GRIP1: variants seen among roughly 807,000 people sequenced by gnomAD.
The protein encoded by GRIP1 is glutamate receptor-interacting protein 1.
In GRIP1, 45 loss-of-function variants were observed where a neutral mutation model predicts 129.9. That is an observed-to-expected ratio of 0.35 (90% confidence interval 0.27 to 0.44). The LOEUF (loss-of-function observed/expected upper bound fraction) is 0.44. Among genes scored for constraint, GRIP1 ranks in the 20% least tolerant of loss-of-function variants. The pLI is 1.00. For missense variants in GRIP1, 1,196 were observed against 1,396.8 expected, an observed-to-expected ratio of 0.86 and a Z score of 2.29; for synonymous variants, 530 against 520.8, an observed-to-expected ratio of 1.02 and a Z score of -0.24.
intron 7 of GRIP1, among the ~76,000 whole-genome samples, chr12:66,509,775 C>A (rs1372934561): frequency 6.6e-6 from 1 of 151,986 alleles, no homozygotes; most frequent in East Asian, 1.9e-4. Flanking sequence ...TGGAGGGGAA[C>A]AACACACACT....
intron 1 of GRIP1, among the ~76,000 whole-genome samples, chr12:67,036,523 G>A (rs1407316721): frequency 6.6e-6 from 1 of 151,774 alleles, no homozygotes; most frequent in Non-Finnish European, 1.5e-5. Context: ...TAGAGACAGG[G>A]TTTCATCATG....
At chr12:66,980,913 G>T (rs1056307561) in intron 1 of GRIP1, among the ~76,000 whole-genome samples, 2 of 152,092 alleles carry the variant, frequency 1.3e-5, no homozygotes, top group Non-Finnish European at 2.9e-5. Context: ...CTCCATTTCC[G>T]TGTTTTGAGC....
intron 15 of GRIP1, among the ~76,000 whole-genome samples, chr12:66,416,737 A>G (rs2057618586): frequency 6.6e-6 from 1 of 152,162 alleles, no homozygotes; most frequent in African/African-American, 2.4e-5. Flanking sequence ...ACAGACCAAT[A>G]ATAAGTAACA....
At chr12:67,063,442 T>C (rs11176557) in intron 1 of GRIP1, among the ~76,000 whole-genome samples, 4,589 of 152,286 alleles carry the variant, frequency 0.03, 180 homozygotes, top group East Asian at 0.13. Flanking sequence ...AGTAGGCTTC[T>C]TGAATAAGAA....
At chr12:66,420,864 A>G in intron 14 of GRIP1, 75 bp from the exon 15 acceptor site, 1 of 859,526 alleles carries the variant, frequency 1.2e-6, no homozygotes, top group South Asian at 1.4e-5. Context: ...CCCCTGTTTT[A>G]TAATAACTTA....
At chr12:67,063,991 C>CTTGCCTTCA (rs2135898091) in intron 1 of GRIP1, among the ~76,000 whole-genome samples, 1 of 152,208 alleles carries the variant, frequency 6.6e-6, no homozygotes, top group Non-Finnish European at 1.5e-5. Context: ...CTTGTTAATG[C>CTTGCCTTCA]TTGCCTTCAT....
At chr12:66,530,885 A>G (rs1018629411) in intron 4 of GRIP1, among the ~76,000 whole-genome samples, 2 of 151,876 alleles carry the variant, frequency 1.3e-5, no homozygotes, top group African/African-American at 4.8e-5. Context: ...CAAGTAACAC[A>G]TTTTTTTACA....
At chr12:66,716,964 G>T (rs1320937336) in intron 1 of GRIP1, among the ~76,000 whole-genome samples, 1 of 151,932 alleles carries the variant, frequency 6.6e-6, no homozygotes, top group Non-Finnish European at 1.5e-5. Flanking sequence ...CACAGCCCAG[G>T]CAAGAAATCA....
intron 1 of GRIP1, among the ~76,000 whole-genome samples, chr12:66,825,046 T>C (rs918369851): frequency 1.3e-5 from 2 of 152,142 alleles, no homozygotes; most frequent in Non-Finnish European, 2.9e-5. Flanking sequence ...TCATCTTCAA[T>C]TTTTAACTAG....
At chr12:66,430,445 C>CAGAT (rs2058114366) in intron 14 of GRIP1, among the ~76,000 whole-genome samples, 1 of 152,158 alleles carries the variant, frequency 6.6e-6, no homozygotes, top group Non-Finnish European at 1.5e-5. Flanking sequence ...AAATGCAAGC[C>CAGAT]ATCTTTATGG....
chr12:66,851,113 C>T (rs1482315077), intron 1 of GRIP1, among the ~76,000 whole-genome samples: 1 of 151,248 alleles, frequency 6.6e-6, no homozygotes, highest in Non-Finnish European at 1.5e-5. Flanking sequence ...CTTAAATCAC[C>T]CCTAATTTTC....
At chr12:66,398,362 C>G (rs183317808) in intron 16 of GRIP1, among the ~76,000 whole-genome samples, 1 of 151,946 alleles carries the variant, frequency 6.6e-6, no homozygotes, top group Non-Finnish European at 1.5e-5. Context: ...ACGCCATTCT[C>G]CCCCATCCCA....
At chr12:66,481,606 C>A (rs2059807286) in intron 7 of GRIP1, among the ~76,000 whole-genome samples, 1 of 152,060 alleles carries the variant, frequency 6.6e-6, no homozygotes. Flanking sequence ...GGGTATATAC[C>A]CAAAGGATTA....
At chr12:66,541,144 G>A (rs1192106660) in intron 3 of GRIP1, among the ~76,000 whole-genome samples, 1 of 152,042 alleles carries the variant, frequency 6.6e-6, no homozygotes, top group East Asian at 1.9e-4. Flanking sequence ...CTGATCTTCT[G>A]TCCCCTTTTT....
At chr12:67,056,027 A>C (rs2043429442) in intron 1 of GRIP1, among the ~76,000 whole-genome samples, 1 of 152,154 alleles carries the variant, frequency 6.6e-6, no homozygotes, top group Non-Finnish European at 1.5e-5. Context: ...AGTTAATGGA[A>C]GGGGCTGAGG....
chr12:66,576,748 C>G (rs1374719364), intron 2 of GRIP1, among the ~76,000 whole-genome samples: 3 of 152,162 alleles, frequency 2.0e-5, no homozygotes, highest in African/African-American at 7.2e-5. Flanking sequence ...TCAAACATTA[C>G]TGGCAGAATA....
intron 23 of GRIP1, among the ~76,000 whole-genome samples, chr12:66,362,193 G>A (rs1275300106): frequency 2.6e-5 from 3 of 117,358 alleles, no homozygotes; most frequent in South Asian, 5.3e-4. Flanking sequence ...CACTCTTGTT[G>A]CCCAAACTGG....
intron 1 of GRIP1, among the ~76,000 whole-genome samples, chr12:66,981,000 C>G (rs992904484): frequency 3.3e-5 from 5 of 152,194 alleles, no homozygotes; most frequent in Non-Finnish European, 4.4e-5. Flanking sequence ...TGTGCTGTTT[C>G]CTACTTTTCC....
At chr12:66,498,559 T>G (rs1015665423) in intron 7 of GRIP1, among the ~76,000 whole-genome samples, 16 of 152,164 alleles carry the variant, frequency 1.1e-4, no homozygotes, top group Non-Finnish European at 1.8e-4. Flanking sequence ...AAGGTAAAAA[T>G]GCAATGTAAT....
Sources: allele counts gnomAD v4.1 joint callset (sites outside exome capture counted in the v4.1 genomes callset), GRCh38; gene constraint gnomAD v4.1.1; transcripts MANE v1.5; gene names NCBI Gene and HGNC (gene_info 2026-07-23, HGNC 2026-07-21).